The following ATP2C1 variants were observed in gnomAD, a reference collection of about 807,000 sequenced individuals.
ATP2C1 encodes ATPase secretory pathway Ca2+ transporting 1, also known as calcium-transporting ATPase type 2C member 1.
A neutral mutation model predicts 120.5 loss-of-function variants in ATP2C1; 31 were observed. That is an observed-to-expected ratio of 0.26 (90% confidence interval 0.19 to 0.35). The LOEUF is 0.35. Ranked by LOEUF, ATP2C1 falls within the 10% of genes least tolerant of loss-of-function variation. ATP2C1 has a pLI of 1.00. For synonymous variants in ATP2C1, 351 were observed against 358.7 expected, an observed-to-expected ratio of 0.98 and a Z score of 0.24; for missense variants, 731 against 1,107.5, an observed-to-expected ratio of 0.66 and a Z score of 4.83.
At chr3:130,902,297 G>GTTTTTTTTTT (rs398052267) in intron 2 of ATP2C1, among the ~76,000 whole-genome samples, 2 of 13,250 alleles carry the variant, frequency 1.5e-4, no homozygotes, top group Admixed American at 9.6e-4. Flanking sequence ...TTTTTTTTTT[G>GTTTTTTTTTT]TTTTTTTTTT....
At chr3:131,015,836 G>A in intron 26 of ATP2C1, 1 of 453,184 alleles carries the variant, frequency 2.2e-6, no homozygotes, top group South Asian at 2.0e-5. Context: ...GAGAGGAAAG[G>A]AGAGAGTTGT....
In ATP2C1 at chr3:130,941,592, G is replaced by C. The variant is rs139529865; in HGVS notation, c.424G>C (p.Val142Leu). The C allele has an allele frequency of 3.7e-6, 6 of 1,612,142 alleles. No homozygotes were observed. In the Admixed American group the frequency reaches 1.0e-4, roughly 27 times the overall value. The change falls in exon 8 of 28, where the codon GTG (valine) becomes CTG (leucine). Residue 142 changes from valine (V) to leucine (L), a missense_variant and splice_region_variant. Val to Leu is a conservative substitution (Grantham distance 32, BLOSUM62 1). Transcript: ENST00000510168. ...SKLVPPECHC[V>L]REGKLEHTLA... ...GGTTGTTTCTATTTCGTGTTACAGT[G>C]TGCGTGAAGGAAAATTGGAGCATAC...
chr3:130,918,480 G>T, intron 2 of ATP2C1: 1 of 800,296 alleles, frequency 1.2e-6, no homozygotes, highest in Non-Finnish European at 2.3e-6. Flanking sequence ...AGCAAATTTA[G>T]AAGTCTTTGG....
chr3:130,947,323 G>A (rs2060195979), intron 8 of ATP2C1, among the ~76,000 whole-genome samples: 1 of 152,128 alleles, frequency 6.6e-6, no homozygotes, highest in South Asian at 2.1e-4. Flanking sequence ...CATTTAAGGT[G>A]TATCGTTCAG....
At chr3:130,857,206 T>A (rs1336656048) in intron 1 of ATP2C1, among the ~76,000 whole-genome samples, 1 of 152,204 alleles carries the variant, frequency 6.6e-6, no homozygotes, top group Non-Finnish European at 1.5e-5. Flanking sequence ...TACCAAAAAA[T>A]AAAAAGCTAC....
rs186274430 is a variant in ATP2C1, at chr3:130,908,970, G to T, written c.6+14195G>T. ...GATTTATCTTTTAAGAGTTGTGATTGTGCTAGTTTTTAATTTATCAAATGA... is the reference window on the plus strand; with the variant it reads ...GATTTATCTTTTAAGAGTTGTGATTTTGCTAGTTTTTAATTTATCAAATGA... On this transcript the variant is annotated intron_variant, in intron 2 of 27. Transcript: ENST00000510168. 1.1e-4 allele frequency among the ~76,000 whole-genome samples: 17 copies of T among 152,214 alleles called. No homozygotes were observed. The East Asian group carries it at 3.3e-3, about 29-fold the overall frequency.
chr3:130,981,408 A>G lies in ATP2C1; in HGVS notation c.1839+729A>G, dbSNP rs938350891. Among the ~76,000 whole-genome samples, 60 of 152,158 alleles carry G rather than the reference A, an allele frequency of 3.9e-4. 1 individual carries two copies. Among genetic ancestry groups the G allele is most frequent in the African/African-American group, 1.4e-3 (58 of 41,442 alleles). On this transcript the variant is annotated intron_variant, in intron 20 of 27. Coordinates refer to ENST00000510168, the MANE Select transcript of ATP2C1 (RefSeq NM_001378687.1). Reference sequence around the variant, plus strand: ...TTGTTGTTTTTTAAAGTAATATTCTATTATAGGTGTACCTTACCTATTCAC... The same window carrying G: ...TTGTTGTTTTTTAAAGTAATATTCTGTTATAGGTGTACCTTACCTATTCAC...
intron 2 of ATP2C1, among the ~76,000 whole-genome samples, chr3:130,924,976 C>G (rs560178304): frequency 6.6e-6 from 1 of 152,056 alleles, no homozygotes; most frequent in African/African-American, 2.4e-5. Context: ...CTTTTATATC[C>G]TGTATCATGT....
chr3:130,894,488 G>A lies in ATP2C1; in HGVS notation c.-180-102G>A. On this transcript the variant is annotated intron_variant, in intron 1 of 27. Coordinates refer to ENST00000510168, the MANE Select transcript of ATP2C1 (RefSeq NM_001378687.1). The surrounding 1 kb of genome is among the most constrained non-coding windows in gnomAD (Gnocchi z 4.5). ...GGACGTTGCGGGCACACGACGGGGC[G>A]GGTGCGGGATCTTGGGGAGGGGGGC... 7.3e-7 allele frequency: 1 copy of A among 1,373,596 alleles called. No individual in the cohort carries two copies. Among genetic ancestry groups the A allele is most frequent in the Non-Finnish European group, 9.4e-7 (1 of 1,062,138 alleles). 85.1% of individuals were successfully genotyped at this position (1,373,596 alleles called of 1,614,324 possible).
chr3:130,865,893 T>C (rs138873056), intron 1 of ATP2C1, among the ~76,000 whole-genome samples: 10 of 152,360 alleles, frequency 6.6e-5, no homozygotes, highest in African/African-American at 2.4e-4. Context: ...TAGATAAAGA[T>C]CATCTTTATG....
At chr3:130,916,079 C>T (rs555095469) in intron 2 of ATP2C1, among the ~76,000 whole-genome samples, 20 of 152,110 alleles carry the variant, frequency 1.3e-4, no homozygotes, top group Non-Finnish European at 2.8e-4. Context: ...GGTAACATTC[C>T]TTTTAGAGAT....
rs550266063 is a variant in ATP2C1 at position 130,922,464 on chromosome 3, C to T, written c.7-7952C>T. Among the ~76,000 whole-genome samples, 6 of 151,448 alleles carry T rather than the reference C, an allele frequency of 4.0e-5. No homozygotes were observed. The East Asian group carries it at 1.2e-3, about 29-fold the overall frequency. On this transcript the variant is annotated intron_variant, in intron 2 of 27. Coordinates refer to ENST00000510168, the MANE Select transcript of ATP2C1 (RefSeq NM_001378687.1). ...TTTTTTGTTTCAATTTCATTTAGTT[C>T]TGCTCTGATCTTTGTTACTTATTTT... is the stretch of plus-strand genomic sequence containing the variant.
intron 2 of ATP2C1, among the ~76,000 whole-genome samples, chr3:130,897,040 G>A (rs1253282033): frequency 6.6e-6 from 1 of 152,160 alleles, no homozygotes; most frequent in Non-Finnish European, 1.5e-5. Flanking sequence ...CATAGTAAGT[G>A]CTCGGTAAAT....
intron 24 of ATP2C1, 111 bp downstream of exon 24, chr3:130,996,907 G>A (rs1419420140): frequency 7.5e-6 from 6 of 798,688 alleles, no homozygotes; most frequent in Non-Finnish European, 1.1e-5. Flanking sequence ...TGCAGCAAAT[G>A]TTTTAACATT....
Position 130,999,368 on chromosome 3 carries a change from CAGT to C in ATP2C1, c.2488-145_2488-143del, listed in dbSNP as rs1382854735. The C allele has an allele frequency of 1.7e-5, 12 of 693,022 alleles. No homozygotes were observed. In the East Asian group the frequency reaches 3.0e-4, roughly 17 times the overall value. 42.9% of individuals were successfully genotyped at this position (693,022 alleles called of 1,614,324 possible). A position where few individuals can be genotyped will look rare whatever the true frequency, so the allele number is the denominator to read the frequency against. On this transcript the variant is annotated intron_variant, in intron 26 of 27. Transcript: ENST00000510168. ...TTATTCCATCTGAATTATTCCAAAA[CAGT>C]AGTAAAATTTAAGATATTTCATAGA...
Position 131,002,370 on chromosome 3 carries a change from T to G in ATP2C1, c.*1020T>G. On this transcript the variant is annotated 3_prime_UTR_variant, in exon 28 of 28. Coordinates refer to ENST00000510168, the MANE Select transcript of ATP2C1 (RefSeq NM_001378687.1). ...TCCCCAAACCCAAACAAATGGTTTATGAACCAGAGTATATGTGGAAGATTC... is the reference window on the plus strand; with the variant it reads ...TCCCCAAACCCAAACAAATGGTTTAGGAACCAGAGTATATGTGGAAGATTC... The G allele has an allele frequency of 1.5e-5, 15 of 985,424 alleles. No homozygotes were observed. Among genetic ancestry groups the G allele is most frequent in the Non-Finnish European group, 1.4e-5 (12 of 829,902 alleles). The allele number at this position is 985,424 out of a possible 1,614,324, so 61.0% of individuals were successfully genotyped here.
intron 2 of ATP2C1, among the ~76,000 whole-genome samples, chr3:130,926,770 G>A (rs2059226687): frequency 6.6e-6 from 1 of 152,222 alleles, no homozygotes; most frequent in African/African-American, 2.4e-5. Flanking sequence ...TGTATTTTAT[G>A]CATGTGATCT....
chr3:130,944,024 G>A (rs1184398100), intron 8 of ATP2C1, among the ~76,000 whole-genome samples: 2 of 152,194 alleles, frequency 1.3e-5, no homozygotes, highest in Admixed American at 6.5e-5. Flanking sequence ...ACTGTCATTA[G>A]GGTTTAAAGG....
At chr3:130,952,198 C>T (rs978836735) in intron 8 of ATP2C1, among the ~76,000 whole-genome samples, 2 of 152,108 alleles carry the variant, frequency 1.3e-5, no homozygotes, top group African/African-American at 2.4e-5. Context: ...GTTATATACT[C>T]GTGCTTGTTT....
Sources: allele counts gnomAD v4.1 joint callset (sites outside exome capture counted in the v4.1 genomes callset), GRCh38; gene constraint gnomAD v4.1.1; non-coding constraint Gnocchi (gnomAD v3.1); transcripts MANE v1.5; gene names NCBI Gene and HGNC (gene_info 2026-07-23, HGNC 2026-07-21).